RSU1: variants seen among roughly 807,000 people sequenced by gnomAD.
RSU1 encodes the protein rsu-1.
Under a neutral mutation model 31.1 loss-of-function variants are expected in RSU1, and 26 were observed. The ratio of observed to expected loss-of-function variants is 0.84; its 90% CI spans 0.61 to 1.16. RSU1 has a LOEUF of 1.16. Ranked by LOEUF, RSU1 falls within the 50% of genes most tolerant of loss-of-function variation. RSU1 has a pLI of 0.00. For missense variants in RSU1, 320 were observed against 339.1 expected (o/e 0.94, Z 0.44); for synonymous variants, 164 against 136.3 (o/e 1.20, Z -1.41).
At position 16,618,526 on chromosome 10, in the gene RSU1, C is replaced by T. The variant is rs139981618; in HGVS notation, c.732-25030G>A. On this transcript the variant is annotated intron_variant, in intron 8 of 8. Coordinates refer to ENST00000345264, the MANE Select transcript of RSU1 (RefSeq NM_012425.4). ...ATTCTACTATAAAGACACATGCACA[C>T]GTATATTTACTGCAGCACTATTTAC... Among the ~76,000 whole-genome samples, 447 of 152,308 alleles carry T rather than the reference C, an allele frequency of 2.9e-3. 2 individuals carry two copies. Among genetic ancestry groups the T allele is most frequent in the African/African-American group, 0.01 (421 of 41,566 alleles).
chr10:16,691,340 T>C (rs1285206397), intron 8 of RSU1, among the ~76,000 whole-genome samples: 2 of 151,838 alleles, frequency 1.3e-5, no homozygotes, highest in African/African-American at 4.8e-5. Flanking sequence ...AATCAGTTTG[T>C]GTTAATCTGG....
At position 16,780,477 on chromosome 10, in the gene RSU1, A is replaced by G. The variant is rs576919772; in HGVS notation, c.160+1557T>C. Among the ~76,000 whole-genome samples the G allele has an allele frequency of 2.0e-5, 3 of 152,268 alleles. No homozygotes were observed. The South Asian group carries it at 6.2e-4, about 32-fold the overall frequency. On this transcript the variant is annotated intron_variant, in intron 3 of 8. Coordinates refer to ENST00000345264, the MANE Select transcript of RSU1 (RefSeq NM_012425.4). ...TGGCTGGTCTCAAACTCCTAGGCTCAAGCAATCCTCCTACCTCAGCCTTCC... is the reference window on the plus strand; with the variant it reads ...TGGCTGGTCTCAAACTCCTAGGCTCGAGCAATCCTCCTACCTCAGCCTTCC...
intron 8 of RSU1, among the ~76,000 whole-genome samples, chr10:16,598,338 C>A (rs1057409398): frequency 6.6e-6 from 1 of 151,746 alleles, no homozygotes; most frequent in Non-Finnish European, 1.5e-5. Context: ...CAGGCGTTCA[C>A]GACCAGCCTG....
At chr10:16,732,935 A>G (rs1836544281) in intron 7 of RSU1, among the ~76,000 whole-genome samples, 1 of 152,170 alleles carries the variant, frequency 6.6e-6, no homozygotes, top group African/African-American at 2.4e-5. Context: ...GCATGGATGG[A>G]GTTTGATAAA....
intron 8 of RSU1, among the ~76,000 whole-genome samples, chr10:16,653,396 T>C (rs1834720777): frequency 6.6e-6 from 1 of 152,184 alleles, no homozygotes; most frequent in Non-Finnish European, 1.5e-5. Context: ...CTCTGTTGTG[T>C]GTGTGCAGAG....
At chr10:16,713,552 C>A (rs1421920917) in intron 7 of RSU1, among the ~76,000 whole-genome samples, 2 of 152,126 alleles carry the variant, frequency 1.3e-5, no homozygotes, top group East Asian at 3.8e-4. Context: ...TTCTTTATGA[C>A]ACTTATCTTT....
intron 7 of RSU1, among the ~76,000 whole-genome samples, chr10:16,716,101 C>T (rs934031478): frequency 2.0e-5 from 3 of 152,128 alleles, no homozygotes; most frequent in African/African-American, 4.8e-5. Context: ...TCTCCTTAGT[C>T]GGAATTCTTG....
chr10:16,659,918 C>T (rs972968006), intron 8 of RSU1, among the ~76,000 whole-genome samples: 2 of 152,150 alleles, frequency 1.3e-5, no homozygotes, highest in East Asian at 1.9e-4. Context: ...AATGTTCTAG[C>T]GTTCTGAAAC....
At chr10:16,779,872 T>G (rs965378091) in intron 3 of RSU1, among the ~76,000 whole-genome samples, 1 of 152,202 alleles carries the variant, frequency 6.6e-6, no homozygotes, top group Admixed American at 6.5e-5. Context: ...GGATGCTAAT[T>G]TGACCTTACT....
At chr10:16,716,343 T>C (rs1465658803) in intron 7 of RSU1, among the ~76,000 whole-genome samples, 1 of 152,168 alleles carries the variant, frequency 6.6e-6, no homozygotes, top group African/African-American at 2.4e-5. Flanking sequence ...TTTTAATCTA[T>C]CTTTATTTTT....
chr10:16,648,636 T>A (rs1834622612), intron 8 of RSU1, among the ~76,000 whole-genome samples: 1 of 152,034 alleles, frequency 6.6e-6, no homozygotes, highest in Admixed American at 6.5e-5. Context: ...TTTTCTAAAA[T>A]CAAATGGGAA....
chr10:16,683,118 C>T (rs1835362934), intron 8 of RSU1, among the ~76,000 whole-genome samples: 1 of 144,472 alleles, frequency 6.9e-6, no homozygotes, highest in Admixed American at 6.9e-5. Context: ...TGGAGAATAA[C>T]ATGATGTTGA....
chr10:16,781,674 G>A (rs1441421874), intron 3 of RSU1, among the ~76,000 whole-genome samples: 1 of 151,842 alleles, frequency 6.6e-6, no homozygotes, highest in African/African-American at 2.4e-5. Flanking sequence ...TTTTCTCTTT[G>A]GTTTATAAAC....
At chr10:16,795,525 T>C (rs891411593) in intron 2 of RSU1, among the ~76,000 whole-genome samples, 1 of 152,076 alleles carries the variant, frequency 6.6e-6, no homozygotes, top group Non-Finnish European at 1.5e-5. Flanking sequence ...CCCTCTCAAT[T>C]TTAGATGAGA....
intron 8 of RSU1, among the ~76,000 whole-genome samples, chr10:16,619,722 A>T (rs1367480449): frequency 6.6e-6 from 1 of 152,234 alleles, no homozygotes; most frequent in African/African-American, 2.4e-5. Context: ...ACAGAGAAAA[A>T]GCAACTTTGG....
chr10:16,687,154 CT>C (rs1479992098), intron 8 of RSU1, among the ~76,000 whole-genome samples: 1 of 152,178 alleles, frequency 6.6e-6, no homozygotes, highest in Non-Finnish European at 1.5e-5. Flanking sequence ...GTGAAAAACA[CT>C]CCAGAGTAGG....
In RSU1 at chr10:16,817,394, C is replaced by T; in HGVS notation, c.-83G>A. The T allele has an allele frequency of 2.9e-6, 1 of 341,830 alleles. No homozygotes were observed. The highest frequency in any genetic ancestry group is 5.5e-6 in the Non-Finnish European group (1 of 180,336). The allele number at this position is 341,830 out of a possible 1,614,324, so 21.2% of individuals were successfully genotyped here. ...GCACTCCAGCTGCCCTCACTCCCTG[C>T]AACACCGGCACTGAACAGCGAACAC... On this transcript the variant is annotated 5_prime_UTR_variant, in exon 1 of 9. Coordinates refer to ENST00000345264, the MANE Select transcript of RSU1 (RefSeq NM_012425.4).
At chr10:16,699,577 TGA>T (rs1167147840) in intron 7 of RSU1, among the ~76,000 whole-genome samples, 1 of 152,252 alleles carries the variant, frequency 6.6e-6, no homozygotes, top group African/African-American at 2.4e-5. Context: ...TTCAGTGCGT[TGA>T]GTTAGGAGCC....
At chr10:16,768,632 G>C (rs1273873066) in intron 3 of RSU1, among the ~76,000 whole-genome samples, 1 of 152,158 alleles carries the variant, frequency 6.6e-6, no homozygotes, top group Non-Finnish European at 1.5e-5. Flanking sequence ...TCACCCCAGA[G>C]ACAAATCTCA....
Sources: gnomAD v4.1 joint callset for allele counts (sites outside exome capture counted in the v4.1 genomes callset) on GRCh38, gnomAD v4.1.1 for gene constraint, MANE v1.5 for transcripts, NCBI Gene and HGNC (gene_info 2026-07-23, HGNC 2026-07-21) for gene names.